Variants in KCNH5 observed in about 807,000 individuals in gnomAD.
KCNH5 encodes voltage-gated delayed rectifier potassium channel KCNH5.
Under a neutral mutation model 96.1 loss-of-function variants are expected in KCNH5, and 46 were observed. The ratio of observed to expected loss-of-function variants is 0.48; its 90% CI spans 0.38 to 0.61. The LOEUF is 0.61. Among genes scored for constraint, KCNH5 ranks in the 20% least tolerant of loss-of-function variants. The probability of loss-of-function intolerance (pLI) is 0.00; values close to 1 mark genes in which losing one functional copy is unlikely to be tolerated. For missense variants in KCNH5, 907 were observed against 1,225.8 expected (o/e 0.74, Z 3.88); for synonymous variants, 439 against 449.8 (o/e 0.98, Z 0.30).
chr14:62,865,094 G>A (rs2140060408), intron 7 of KCNH5, among the ~76,000 whole-genome samples: 1 of 152,316 alleles, frequency 6.6e-6, no homozygotes, highest in South Asian at 2.1e-4. Context: ...AAGAGTAGGA[G>A]TGCTAGGTGG....
At chr14:62,826,387 T>TGTGTGTGTGTGCGTGCGTGC (rs1379213992) in intron 8 of KCNH5, among the ~76,000 whole-genome samples, 1 of 139,340 alleles carries the variant, frequency 7.2e-6, no homozygotes, top group Non-Finnish European at 1.5e-5. Context: ...AGATTTTGTG[T>TGTGTGTGTGTGCGTGCGTGC]GTGTGTGTGT....
intron 7 of KCNH5, among the ~76,000 whole-genome samples, chr14:62,853,986 G>A (rs564460702): frequency 2.3e-4 from 33 of 141,450 alleles, no homozygotes; most frequent in African/African-American, 6.2e-4. Context: ...CAGCCTGGGC[G>A]ACAGAGCGAG....
chr14:62,911,183 T>C (rs1234101483), intron 7 of KCNH5, among the ~76,000 whole-genome samples: 1 of 152,028 alleles, frequency 6.6e-6, no homozygotes, highest in Non-Finnish European at 1.5e-5. Context: ...TAAATGAAGG[T>C]ATACCATGTG....
At chr14:62,860,510 G>A (rs1433287847) in intron 7 of KCNH5, among the ~76,000 whole-genome samples, 1 of 152,166 alleles carries the variant, frequency 6.6e-6, no homozygotes. Flanking sequence ...AATAGTAGAT[G>A]TTCAGGGAAT....
chr14:63,016,829 A>G lies in KCNH5; in HGVS notation c.197+2T>C. On this transcript the variant is annotated splice_donor_variant, in intron 2 of 10. Coordinates refer to ENST00000322893, the MANE Select transcript of KCNH5 (RefSeq NM_139318.5). LOFTEE classifies it high-confidence loss of function. ...AGATTACTTAGCTATTCTGTTACCTACCTGCAAGTGCTGCTTTTCTGCATG... is the reference window on the plus strand; with the variant it reads ...AGATTACTTAGCTATTCTGTTACCTGCCTGCAAGTGCTGCTTTTCTGCATG... 1 of 1,606,524 alleles carries G rather than the reference A, an allele frequency of 6.2e-7. No homozygotes were observed. Among genetic ancestry groups the G allele is most frequent in the Non-Finnish European group, 8.5e-7 (1 of 1,177,088 alleles).
intron 10 of KCNH5, among the ~76,000 whole-genome samples, chr14:62,731,232 C>A (rs1885043122): frequency 6.6e-6 from 1 of 151,814 alleles, no homozygotes; most frequent in East Asian, 1.9e-4. Context: ...ACCTGGGAGG[C>A]AGAGGTTGCA....
chr14:62,932,675 C>T (rs116681412), intron 7 of KCNH5, among the ~76,000 whole-genome samples: 1,646 of 152,052 alleles, frequency 0.011, 45 homozygotes, highest in African/African-American at 0.037. Flanking sequence ...AGAAAGATAC[C>T]TTGTCATAGT....
chr14:62,788,213 T>C (rs1248920843), intron 9 of KCNH5, among the ~76,000 whole-genome samples: 1 of 152,176 alleles, frequency 6.6e-6, no homozygotes, highest in African/African-American at 2.4e-5. Context: ...AAGAAGTTGA[T>C]TCCAACCCTC....
At chr14:62,788,697 T>C (rs7150550) in intron 9 of KCNH5, among the ~76,000 whole-genome samples, 7,744 of 152,180 alleles carry the variant, frequency 0.051, 457 homozygotes, top group African/African-American at 0.14. Context: ...CTGATCAGTC[T>C]GTATCTGTCA....
At chr14:62,780,941 T>C (rs1886198369) in intron 9 of KCNH5, among the ~76,000 whole-genome samples, 1 of 152,136 alleles carries the variant, frequency 6.6e-6, no homozygotes, top group African/African-American at 2.4e-5. Context: ...TTATTCTTTC[T>C]GCACTCAAAC....
chr14:62,816,258 T>C (rs1041994810), intron 8 of KCNH5, among the ~76,000 whole-genome samples: 17 of 152,088 alleles, frequency 1.1e-4, no homozygotes, highest in South Asian at 2.1e-4. Flanking sequence ...AACACTTACA[T>C]AGGTTATAGA....
intron 7 of KCNH5, among the ~76,000 whole-genome samples, chr14:62,913,545 G>A (rs946063584): frequency 6.6e-6 from 1 of 152,072 alleles, no homozygotes; most frequent in Non-Finnish European, 1.5e-5. Context: ...TATATTTAGA[G>A]GTCAGTGAAC....
intron 7 of KCNH5, among the ~76,000 whole-genome samples, chr14:62,875,932 G>A (rs1888363798): frequency 6.6e-6 from 1 of 152,208 alleles, no homozygotes; most frequent in South Asian, 2.1e-4. Context: ...ACTTTGGGAG[G>A]CCGAGGCAGG....
chr14:62,860,032 T>C (rs768232829), intron 7 of KCNH5, among the ~76,000 whole-genome samples: 14 of 152,330 alleles, frequency 9.2e-5, no homozygotes, highest in African/African-American at 1.9e-4. Flanking sequence ...CATTTGATGA[T>C]AGAATGCTGC....
At chr14:62,813,681 T>C (rs901292532) in intron 8 of KCNH5, among the ~76,000 whole-genome samples, 5 of 152,192 alleles carry the variant, frequency 3.3e-5, no homozygotes, top group African/African-American at 1.2e-4. Context: ...AGTTATGCAC[T>C]GTTAATTAAT....
chr14:63,011,792 G>A (rs1025941703), intron 2 of KCNH5, among the ~76,000 whole-genome samples: 4 of 152,122 alleles, frequency 2.6e-5, no homozygotes, highest in African/African-American at 9.7e-5. Context: ...GGACTGACTG[G>A]CATCCATCAT....
In KCNH5 at chr14:63,024,449, T is replaced by C. The variant is rs1489766246; in HGVS notation, c.74-7495A>G. Among the ~76,000 whole-genome samples, 6 of 151,696 alleles carry C rather than the reference T, an allele frequency of 4.0e-5. No homozygotes were observed. The East Asian group carries it at 1.2e-3, about 29-fold the overall frequency. On this transcript the variant is annotated intron_variant, in intron 1 of 10. Transcript: ENST00000322893. ...TAATAAAGATTTGAGCAGAAATAAA[T>C]GAAACAGAGACTAGAAAAACAACTT... is the stretch of plus-strand genomic sequence containing the variant.
chr14:62,791,716 AGTATAT>A (rs930463017), intron 9 of KCNH5, among the ~76,000 whole-genome samples: 11 of 151,746 alleles, frequency 7.2e-5, no homozygotes, highest in African/African-American at 2.4e-4. Context: ...CAATTTATCA[AGTATAT>A]AACAACTGTA....
rs1886484239 is a variant in KCNH5, at chr14:62,793,804, G to GTT, written c.1822+8524_1822+8525insAA. 2.6e-5 allele frequency among the ~76,000 whole-genome samples: 4 copies of GTT among 151,666 alleles called. No homozygotes were observed. In the South Asian group the frequency reaches 8.3e-4, roughly 31 times the overall value. On this transcript the variant is annotated intron_variant, in intron 9 of 10. Coordinates refer to ENST00000322893, the MANE Select transcript of KCNH5 (RefSeq NM_139318.5). ...AGTCTTTAATTTTGTGAGTAAGAGA[G>GTT]ACAGACCAAAAAAATTACAAAATAG...
Sources: allele counts gnomAD v4.1 joint callset (sites outside exome capture counted in the v4.1 genomes callset), GRCh38; gene constraint gnomAD v4.1.1; transcripts MANE v1.5; gene names NCBI Gene and HGNC (gene_info 2026-07-23, HGNC 2026-07-21).